The following ZFP69 variants were observed in gnomAD, a reference collection of about 807,000 sequenced individuals.
ZFP69 encodes ZFP69 zinc finger protein, also known as zinc finger protein 69 homolog.
In ZFP69, 35 loss-of-function variants were observed where a neutral mutation model predicts 48.9. That is an observed-to-expected ratio of 0.72 (90% CI 0.55 to 0.95). The LOEUF is 0.95. Among genes scored for constraint, ZFP69 ranks in the 40% least tolerant of loss-of-function variants. The pLI is 0.00. For synonymous variants in ZFP69, 193 were observed against 216.8 expected (o/e 0.89, Z 0.96); for missense variants, 557 against 638.4 (o/e 0.87, Z 1.37).
intron 5 of ZFP69, chr1:40,493,264 A>G (rs972478113): frequency 2.6e-5 from 4 of 152,170 alleles, no homozygotes; most frequent in African/African-American, 9.7e-5. Flanking sequence ...AGTAAGTAAT[A>G]ACAAAATTGA....
At chr1:40,489,334 T>G in intron 4 of ZFP69, 120 bp downstream of exon 4, 1 of 1,384,674 alleles carries the variant, frequency 7.2e-7, no homozygotes, top group Non-Finnish European at 9.9e-7. Flanking sequence ...AGATGTCTTA[T>G]TCCCTTTGAA....
rs749580026 is a variant in ZFP69, at chr1:40,489,643, G to A, written c.442+19G>A. 1.3e-6 allele frequency: 2 copies of A among 1,567,050 alleles called. No individual in the cohort carries two copies. The highest frequency in any genetic ancestry group is 1.7e-6 in the Non-Finnish European group (2 of 1,152,518). On this transcript the variant is annotated intron_variant, in intron 5 of 5. Transcript: ENST00000372706. ...AGTTCAGGTGAGACCAAGTGTGTTAGTCTGTTTTTGTGTTGCTATAAAGGA... is the reference window on the plus strand; with the variant it reads ...AGTTCAGGTGAGACCAAGTGTGTTAATCTGTTTTTGTGTTGCTATAAAGGA...
intron 1 of ZFP69, among the ~76,000 whole-genome samples, chr1:40,478,262 C>T (rs1268719509): frequency 1.3e-5 from 2 of 152,120 alleles, no homozygotes; most frequent in African/African-American, 4.8e-5. Context: ...GACCTGGTCA[C>T]GGTCAAAGCA....
chr1:40,492,112 C>T (rs547259387), intron 5 of ZFP69, among the ~76,000 whole-genome samples: 6 of 152,248 alleles, frequency 3.9e-5, no homozygotes, highest in East Asian at 1.9e-4. Context: ...ATTCTTCTGC[C>T]TCAGCTACCT....
At chr1:40,482,410 CA>C (rs1645451266) in intron 3 of ZFP69, among the ~76,000 whole-genome samples, 2 of 152,144 alleles carry the variant, frequency 1.3e-5, no homozygotes, top group South Asian at 4.2e-4. Context: ...GCTACAACAG[CA>C]TGTCACAAAT....
At chr1:40,489,300 G>A in intron 4 of ZFP69, 86 bp downstream of exon 4, 1 of 1,514,676 alleles carries the variant, frequency 6.6e-7, no homozygotes, top group Non-Finnish European at 9.0e-7. Context: ...GATTCCTTGA[G>A]GCTTGATTTG....
chr1:40,495,309 A>G lies in ZFP69; in HGVS notation c.831A>G (p.Glu277=). ...RTKTYECNIC[E]KIFKQPIHLT... is the part of the protein sequence containing the mutation. The stretch of plus-strand genomic sequence containing the variant: ...AAACCTATGAATGTAATATATGTGA[A>G]AAAATCTTCAAACAACCTATTCACC... The change falls in exon 6 of 6, where the codon GAA becomes GAG. Residue 277 remains glutamate (E), a synonymous_variant. Transcript: ENST00000372706. 2 of 1,614,144 alleles carry G rather than the reference A, an allele frequency of 1.2e-6. No individual in the cohort carries two copies. The highest frequency in any genetic ancestry group is 1.7e-6 in the Non-Finnish European group (2 of 1,180,014).
Position 40,481,841 on chromosome 1 carries a change from C to G in ZFP69, c.206C>G (p.Thr69Arg), listed in dbSNP as rs368379568. 384 of 1,612,324 alleles carry G rather than the reference C, an allele frequency of 2.4e-4. 3 individuals carry two copies. In the South Asian group the frequency reaches 3.6e-3, roughly 15 times the overall value. Residue 69 changes from threonine (T) to arginine (R), a missense_variant, in exon 3 of 6, where the codon ACA becomes AGA. Physicochemically the swap from Thr to Arg is moderately conservative, Grantham distance 71. Transcript: ENST00000372706. The stretch of plus-strand genomic sequence containing the variant: ...GATGAAGTGACCCCTGGACTCCCGA[C>G]AGCAGAATCCCAGGTGAGTAGGGAT... ...LEDEVTPGLP[T>R]AESQELLTFK...
intron 1 of ZFP69, among the ~76,000 whole-genome samples, chr1:40,478,502 T>TA (rs1242770903): frequency 3.3e-5 from 5 of 152,202 alleles, no homozygotes; most frequent in African/African-American, 1.2e-4. Flanking sequence ...TGTCACTGCT[T>TA]GTTCATGCCA....
intron 5 of ZFP69, chr1:40,493,152 G>T (rs1201083355): frequency 6.6e-6 from 1 of 151,818 alleles, no homozygotes; most frequent in Non-Finnish European, 1.5e-5. Context: ...TTGAACCCGG[G>T]AGGTGGAGGT....
At chr1:40,489,774 C>T in intron 5 of ZFP69, 150 bp downstream of exon 5, 1 of 559,972 alleles carries the variant, frequency 1.8e-6, no homozygotes, top group Non-Finnish European at 3.1e-6. Context: ...GTGAGGGCCT[C>T]AGGAAACTTA....
intron 1 of ZFP69, among the ~76,000 whole-genome samples, chr1:40,478,154 A>G (rs1046890205): frequency 1.3e-5 from 2 of 151,168 alleles, no homozygotes; most frequent in African/African-American, 2.4e-5. Flanking sequence ...ACACACGCCT[A>G]TAAGTCACAT....
chr1:40,491,674 C>T (rs1363850616), intron 5 of ZFP69, among the ~76,000 whole-genome samples: 2 of 152,058 alleles, frequency 1.3e-5, no homozygotes, highest in East Asian at 3.9e-4. Context: ...TAATGCCAGG[C>T]TCTTCTGTTA....
At chr1:40,486,248 T>A (rs747042900) in intron 3 of ZFP69, among the ~76,000 whole-genome samples, 2 of 151,826 alleles carry the variant, frequency 1.3e-5, no homozygotes, top group African/African-American at 4.8e-5. Flanking sequence ...TTTATCCTTT[T>A]TGGGGTTTGC....
chr1:40,487,250 T>G (rs906706891), intron 3 of ZFP69, among the ~76,000 whole-genome samples: 5 of 152,168 alleles, frequency 3.3e-5, no homozygotes, highest in Non-Finnish European at 7.3e-5. Flanking sequence ...CAGCGCAGGT[T>G]TGAACTGTGC....
rs199725751 is a variant in ZFP69 at position 40,495,922 on chromosome 1, T to C, written c.1444T>C (p.Phe482Leu). The change falls in exon 6 of 6, where the codon TTT (phenylalanine) becomes CTT (leucine). Residue 482 changes from phenylalanine (F) to leucine (L), a missense_variant. Coordinates refer to ENST00000372706, the MANE Select transcript of ZFP69 (RefSeq NM_001320179.2). ...CGKAYRHDSS[F>L]KKHQRHHTGE... ...AAAAGCCTATAGGCATGATTCATCC[T>C]TTAAAAAACATCAGAGACATCACAC... 6.2e-7 allele frequency: 1 copy of C among 1,614,156 alleles called. No individual in the cohort carries two copies. The highest frequency in any genetic ancestry group is 8.5e-7 in the Non-Finnish European group (1 of 1,180,026).
In ZFP69 at chr1:40,484,080, AAAAT is replaced by A. The variant is rs571053301; in HGVS notation, c.219+2238_219+2241del. ...ACAAGAGCAAAACTCCGTCTCAAAA[AAAAT>A]AAATAAATAAAATAAATAAAACAAT... On this transcript the variant is annotated intron_variant, in intron 3 of 5. Transcript: ENST00000372706. Among the ~76,000 whole-genome samples the A allele has an allele frequency of 1.4e-4, 21 of 152,308 alleles. 1 individual carries two copies. The East Asian group carries it at 3.7e-3, about 27-fold the overall frequency.
chr1:40,483,107 G>A (rs200215729), intron 3 of ZFP69, among the ~76,000 whole-genome samples: 3 of 152,014 alleles, frequency 2.0e-5, no homozygotes, highest in South Asian at 2.1e-4. Context: ...ATCAACTGGG[G>A]GTGGAGTGGA....
chr1:40,486,406 T>A (rs1369515600), intron 3 of ZFP69, among the ~76,000 whole-genome samples: 1 of 142,346 alleles, frequency 7.0e-6, no homozygotes, highest in African/African-American at 2.6e-5. Context: ...TCCTCCCTCC[T>A]TTCCTCCCTC....
Sources: gnomAD v4.1 joint callset for allele counts (sites outside exome capture counted in the v4.1 genomes callset) on GRCh38, gnomAD v4.1.1 for gene constraint, MANE v1.5 for transcripts, NCBI Gene and HGNC (gene_info 2026-07-23, HGNC 2026-07-21) for gene names.